The following NFIB variants were observed in gnomAD, a reference collection of about 807,000 sequenced individuals.
NFIB encodes the protein nuclear factor I B, also known as nuclear factor 1 B-type.
NFIB carries 11 observed loss-of-function variants against 61.5 expected under a neutral mutation model. That is an observed-to-expected ratio of 0.18 (90% CI 0.11 to 0.30). The LOEUF (loss-of-function observed/expected upper bound fraction) is 0.30. NFIB is among the 10% of genes least tolerant of loss of function. The probability of loss-of-function intolerance (pLI) is 1.00; values close to 1 mark genes in which losing one functional copy is unlikely to be tolerated. For synonymous variants in NFIB, 260 were observed against 216.5 expected (o/e 1.20, Z -1.76); for missense variants, 471 against 608.9 (o/e 0.77, Z 2.38).
At chr9:14,277,884 C>T (rs2058106972) in intron 2 of NFIB, among the ~76,000 whole-genome samples, 1 of 152,140 alleles carries the variant, frequency 6.6e-6, no homozygotes, top group Non-Finnish European at 1.5e-5. Flanking sequence ...TAAAAGGTCA[C>T]TTGAGATTTC....
chr9:14,143,993 T>TGC (rs2042024661), intron 6 of NFIB, among the ~76,000 whole-genome samples: 1 of 117,028 alleles, frequency 8.5e-6, no homozygotes, highest in Non-Finnish European at 1.7e-5. Context: ...AGTGACAGAG[T>TGC]GTGTGTGTGT....
intron 3 of NFIB, among the ~76,000 whole-genome samples, chr9:14,160,677 T>C (rs775324983): frequency 2.0e-4 from 31 of 151,980 alleles, no homozygotes; most frequent in Non-Finnish European, 3.2e-4. Context: ...CAAGCAGGCA[T>C]TAACTTCACG....
chr9:14,426,995 T>C, the NFIB span, among the ~76,000 whole-genome samples: 1 of 152,204 alleles, frequency 6.6e-6, no homozygotes, highest in Admixed American at 6.5e-5. Context: ...TTTTGGTAGC[T>C]GTCTCTGGAA....
At chr9:14,403,482 C>T (rs1395986862), upstream of NFIB, among the ~76,000 whole-genome samples, 3 of 152,092 alleles carry the variant, frequency 2.0e-5, no homozygotes, top group East Asian at 1.9e-4. Flanking sequence ...CTAAGTTATA[C>T]TGGAAAAGAA....
chr9:14,469,421 T>A, the NFIB span, among the ~76,000 whole-genome samples: 203 of 152,252 alleles, frequency 1.3e-3, 1 homozygote, highest in Non-Finnish European at 2.2e-3. Flanking sequence ...TCTGGATTAC[T>A]GTATTATTCT....
At chr9:14,376,322 T>C (rs2061418701) in intron 1 of NFIB, among the ~76,000 whole-genome samples, 1 of 152,184 alleles carries the variant, frequency 6.6e-6, no homozygotes, top group African/African-American at 2.4e-5. Context: ...TTTAAAAAAG[T>C]TAACATTTTG....
chr9:14,156,826 C>T (rs1366341606), intron 3 of NFIB, among the ~76,000 whole-genome samples: 1 of 152,140 alleles, frequency 6.6e-6, no homozygotes, highest in Non-Finnish European at 1.5e-5. Context: ...GTTTGAAAAT[C>T]CTCAGAATTG....
intron 1 of NFIB, among the ~76,000 whole-genome samples, chr9:14,366,393 C>A (rs1339653701): frequency 1.1e-4 from 16 of 152,204 alleles, no homozygotes; most frequent in Non-Finnish European, 2.4e-4. Context: ...ATTAGACAGT[C>A]CTGCTGCTGA....
intron 2 of NFIB, among the ~76,000 whole-genome samples, chr9:14,224,260 CT>C: frequency 6.6e-6 from 1 of 152,284 alleles, no homozygotes; most frequent in African/African-American, 2.4e-5. Flanking sequence ...AAGATCACAG[CT>C]ATTTTTCAGT....
chr9:14,455,527 A>T, the NFIB span, among the ~76,000 whole-genome samples: 1 of 152,294 alleles, frequency 6.6e-6, no homozygotes, highest in East Asian at 1.9e-4. Context: ...AAGGAGAAAG[A>T]TGAAAACAAA....
the NFIB span, among the ~76,000 whole-genome samples, chr9:14,439,290 A>T: frequency 6.6e-6 from 1 of 152,282 alleles, no homozygotes; most frequent in South Asian, 2.1e-4. Flanking sequence ...GGATCCCTTG[A>T]GCCCAGGAGG....
chr9:14,174,105 C>T (rs2045877685), intron 3 of NFIB, among the ~76,000 whole-genome samples: 2 of 152,074 alleles, frequency 1.3e-5, no homozygotes, highest in African/African-American at 2.4e-5. Context: ...CATTTAAGAA[C>T]TTTATTGAAT....
intron 2 of NFIB, 122 bp from the exon 3 acceptor site, chr9:14,179,902 TAC>T: frequency 6.2e-6 from 5 of 809,288 alleles, no homozygotes; most frequent in Non-Finnish European, 9.6e-6. Flanking sequence ...TTAAATAAAA[TAC>T]ACTTTCCCAA....
At chr9:14,288,080 C>G (rs1263080864) in intron 2 of NFIB, among the ~76,000 whole-genome samples, 2 of 151,986 alleles carry the variant, frequency 1.3e-5, no homozygotes, top group Admixed American at 1.3e-4. Flanking sequence ...GAATATTTTG[C>G]TTTCTAGATT....
intron 1 of NFIB, among the ~76,000 whole-genome samples, chr9:14,335,210 G>A (rs892111557): frequency 8.5e-5 from 13 of 152,178 alleles, no homozygotes; most frequent in African/African-American, 2.7e-4. Flanking sequence ...TGGAATGTCT[G>A]GGCATATGGC....
the NFIB span, among the ~76,000 whole-genome samples, chr9:14,463,008 T>C: frequency 6.6e-6 from 1 of 152,184 alleles, no homozygotes; most frequent in Non-Finnish European, 1.5e-5. Context: ...CAAACAATGG[T>C]AGAGTTTTCA....
At chr9:14,320,880 AAGTC>A (rs2060643300) in intron 1 of NFIB, among the ~76,000 whole-genome samples, 1 of 152,158 alleles carries the variant, frequency 6.6e-6, no homozygotes, top group Non-Finnish European at 1.5e-5. Context: ...CGTTCAAAGA[AAGTC>A]AGAGTTAATC....
At chr9:14,251,279 G>A (rs1379332932) in intron 2 of NFIB, among the ~76,000 whole-genome samples, 2 of 152,132 alleles carry the variant, frequency 1.3e-5, no homozygotes, top group South Asian at 4.1e-4. Flanking sequence ...AACACATAAC[G>A]AAGGACATGA....
At chr9:14,158,060 G>A (rs541985256) in intron 3 of NFIB, among the ~76,000 whole-genome samples, 24 of 147,734 alleles carry the variant, frequency 1.6e-4, no homozygotes, top group African/African-American at 5.8e-4. Context: ...GTAGTGAGCC[G>A]AGATGGAGCC....
Sources: gnomAD v4.1 joint callset for allele counts (sites outside exome capture counted in the v4.1 genomes callset) on GRCh38, gnomAD v4.1.1 for gene constraint, MANE v1.5 for transcripts, NCBI Gene and HGNC (gene_info 2026-07-23, HGNC 2026-07-21) for gene names.